PCDH9: variants seen among roughly 807,000 people sequenced by gnomAD.
The protein encoded by PCDH9 is protocadherin 9.
Under a neutral mutation model 70.6 loss-of-function variants are expected in PCDH9, and 24 were observed. The observed-to-expected ratio is 0.34, with a 90% CI of 0.25 to 0.48. The LOEUF (loss-of-function observed/expected upper bound fraction) is 0.48. PCDH9 is among the 20% of genes least tolerant of loss of function. The pLI, the probability that PCDH9 is intolerant of heterozygous loss-of-function variation, is 0.99. For missense variants in PCDH9, 1,281 were observed against 1,503.6 expected, an observed-to-expected ratio of 0.85 and a Z score of 2.45; for synonymous variants, 562 against 558.5, an observed-to-expected ratio of 1.01 and a Z score of -0.09.
At chr13:66,440,325 A>C (rs2138399249) in intron 4 of PCDH9, among the ~76,000 whole-genome samples, 1 of 152,232 alleles carries the variant, frequency 6.6e-6, no homozygotes, top group East Asian at 1.9e-4. Flanking sequence ...ACTTTTGTTT[A>C]TAAGGGAAAA....
chr13:66,765,517 C>T lies in PCDH9; in HGVS notation c.3139-134106G>A, dbSNP rs140070284. Among the ~76,000 whole-genome samples, 1,473 of 151,870 alleles carry T rather than the reference C, an allele frequency of 9.7e-3. 12 individuals carry two copies. Among genetic ancestry groups the T allele is most frequent in the Non-Finnish European group, 0.014 (950 of 67,984 alleles). ...TTCTCATGAATAGAGATGTCTAATA[C>T]GAGATAAATGGTTGAGGTTAATTTT... On this transcript the variant is annotated intron_variant, in intron 3 of 4. Coordinates refer to ENST00000377865, the MANE Select transcript of PCDH9 (RefSeq NM_203487.3).
At chr13:66,996,037 C>T (rs925410856) in intron 2 of PCDH9, among the ~76,000 whole-genome samples, 2 of 152,060 alleles carry the variant, frequency 1.3e-5, no homozygotes, top group Non-Finnish European at 1.5e-5. Context: ...AATATGTGAA[C>T]AACACTGTCT....
chr13:66,756,483 GT>G (rs1473312822), intron 3 of PCDH9, among the ~76,000 whole-genome samples: 1 of 151,976 alleles, frequency 6.6e-6, no homozygotes, highest in Non-Finnish European at 1.5e-5. Context: ...TTTGATGTTG[GT>G]ATCAGTGAGG....
At chr13:66,345,085 C>CT (rs1362585465) in intron 4 of PCDH9, among the ~76,000 whole-genome samples, 1 of 152,056 alleles carries the variant, frequency 6.6e-6, no homozygotes, top group Non-Finnish European at 1.5e-5. Flanking sequence ...TGCTCCATGC[C>CT]TTTTTCCAAA....
chr13:67,169,101 G>T (rs556370051), intron 2 of PCDH9, among the ~76,000 whole-genome samples: 1 of 152,242 alleles, frequency 6.6e-6, no homozygotes, highest in South Asian at 2.1e-4. Context: ...TGTGACACTG[G>T]AAGTCCTCAG....
At chr13:67,084,997 A>AAAATATATAT (rs1566414172) in intron 2 of PCDH9, among the ~76,000 whole-genome samples, 2 of 33,200 alleles carry the variant, frequency 6.0e-5, no homozygotes, top group African/African-American at 2.3e-4. Flanking sequence ...AAAAAAAAAA[A>AAAATATATAT]ATATATATAT....
At chr13:66,405,935 C>A (rs1957273310) in intron 4 of PCDH9, among the ~76,000 whole-genome samples, 1 of 146,958 alleles carries the variant, frequency 6.8e-6, no homozygotes, top group African/African-American at 2.5e-5. Flanking sequence ...GTATAAGGGA[C>A]TGATTGGGAA....
chr13:67,077,630 G>A (rs1008145117), intron 2 of PCDH9, among the ~76,000 whole-genome samples: 1 of 152,126 alleles, frequency 6.6e-6, no homozygotes, highest in African/African-American at 2.4e-5. Flanking sequence ...TGAATAAACG[G>A]ATGACATCAA....
At position 67,226,085 on chromosome 13, in the gene PCDH9, C is replaced by A; in HGVS notation, c.2356G>T (p.Asp786Tyr). 6.2e-7 allele frequency: 1 copy of A among 1,614,042 alleles called. No individual in the cohort carries two copies. The highest frequency in any genetic ancestry group is 8.5e-7 in the Non-Finnish European group (1 of 1,179,988). The change falls in exon 2 of 5, where the codon GAC becomes TAC. Residue 786 changes from aspartate (D) to tyrosine (Y), a missense_variant. Around this residue, in one of 4 missense-constraint regions of PCDH9, gnomAD observed 798 missense variants for 1,003.1 expected, o/e 0.80. Transcript: ENST00000377865. The surrounding 1 kb of genome is among the most constrained non-coding windows in gnomAD (Gnocchi z 5.0). ...GTCTCCATAGTCCTGCGGATCAAGT[C>A]ATAGATATAGGAGGCATTTCCAGCA... is the stretch of plus-strand genomic sequence containing the variant. Reference protein sequence around the residue: ...DTAGNASYIYDLIRRTMETPL... With the variant: ...DTAGNASYIYYLIRRTMETPL...
chr13:67,082,349 T>A (rs2086002709), intron 2 of PCDH9, among the ~76,000 whole-genome samples: 1 of 152,196 alleles, frequency 6.6e-6, no homozygotes, highest in Admixed American at 6.5e-5. Flanking sequence ...AGTATCTGTC[T>A]GTCTTTGGTT....
intron 4 of PCDH9, among the ~76,000 whole-genome samples, chr13:66,457,306 G>A (rs985764298): frequency 2.0e-5 from 3 of 151,918 alleles, no homozygotes; most frequent in Non-Finnish European, 2.9e-5. Flanking sequence ...AAACATGTGA[G>A]GCTTCAATAT....
chr13:66,803,589 G>A (rs1250429307), intron 3 of PCDH9, among the ~76,000 whole-genome samples: 2 of 151,990 alleles, frequency 1.3e-5, no homozygotes, highest in Non-Finnish European at 2.9e-5. Context: ...CCCTTCTTTT[G>A]GCTGTCTTCA....
At chr13:66,387,029 A>G (rs1480102863) in intron 4 of PCDH9, among the ~76,000 whole-genome samples, 1 of 152,206 alleles carries the variant, frequency 6.6e-6, no homozygotes, top group African/African-American at 2.4e-5. Context: ...ATTAGTTCTC[A>G]GCATTACAAT....
At chr13:66,374,511 TATTTA>T (rs1374704060) in intron 4 of PCDH9, among the ~76,000 whole-genome samples, 1 of 152,040 alleles carries the variant, frequency 6.6e-6, no homozygotes, top group Non-Finnish European at 1.5e-5. Context: ...CTCTACACGT[TATTTA>T]ATTTAATTTA....
At chr13:66,322,276 A>G (rs1052809528) in intron 4 of PCDH9, among the ~76,000 whole-genome samples, 5 of 151,934 alleles carry the variant, frequency 3.3e-5, no homozygotes, top group African/African-American at 1.2e-4. Flanking sequence ...GGTTATCTCA[A>G]TGACAGGTGT....
At chr13:66,730,310 T>G (rs2079055951) in intron 3 of PCDH9, among the ~76,000 whole-genome samples, 1 of 152,216 alleles carries the variant, frequency 6.6e-6, no homozygotes, top group Admixed American at 6.5e-5. Context: ...TGTTTGCAAA[T>G]TTTATAATTA....
At chr13:66,320,419 G>A (rs1181978680) in intron 4 of PCDH9, among the ~76,000 whole-genome samples, 1 of 151,812 alleles carries the variant, frequency 6.6e-6, no homozygotes, top group Non-Finnish European at 1.5e-5. Flanking sequence ...TAATAAAAGT[G>A]AACTGCACAG....
intron 4 of PCDH9, among the ~76,000 whole-genome samples, chr13:66,373,260 T>G (rs1254972424): frequency 6.6e-6 from 1 of 151,992 alleles, no homozygotes. Flanking sequence ...ATTTCATTTA[T>G]GTGAAATCCA....
chr13:67,184,594 A>G (rs1282942262), intron 2 of PCDH9, among the ~76,000 whole-genome samples: 1 of 152,080 alleles, frequency 6.6e-6, no homozygotes, highest in Non-Finnish European at 1.5e-5. Context: ...AGCGGAGCTT[A>G]GAGGCACACA....
Sources: gnomAD v4.1 joint callset for allele counts (sites outside exome capture counted in the v4.1 genomes callset) on GRCh38, gnomAD v4.1.1 for gene constraint, gnomAD v4.1.1 regional missense constraint, Gnocchi (gnomAD v3.1) non-coding constraint, MANE v1.5 for transcripts, NCBI Gene and HGNC (gene_info 2026-07-23, HGNC 2026-07-21) for gene names.